Variants in GLIS3 observed in about 807,000 individuals in gnomAD.
GLIS3 encodes the protein zinc finger protein GLIS3.
GLIS3 carries 53 observed loss-of-function variants against 78.6 expected under a neutral mutation model. The observed-to-expected ratio is 0.67, with a 90% CI of 0.54 to 0.85. The LOEUF is 0.85. GLIS3 is among the 40% of genes least tolerant of loss of function. The pLI is 0.00. For missense variants in GLIS3, 1,703 were observed against 1,231.1 expected, an observed-to-expected ratio of 1.38 and a Z score of -5.74; for synonymous variants, 684 against 509.9, an observed-to-expected ratio of 1.34 and a Z score of -4.60.
chr9:4,242,106 G>C (rs931226317), intron 2 of GLIS3, among the ~76,000 whole-genome samples: 5 of 152,084 alleles, frequency 3.3e-5, no homozygotes, highest in Non-Finnish European at 7.4e-5. Flanking sequence ...GAGTGTGCAG[G>C]GGTGCCCCAG....
chr9:4,155,944 C>T (rs927321), intron 2 of GLIS3, among the ~76,000 whole-genome samples: 31,475 of 152,152 alleles, frequency 0.21, 3,916 homozygotes, highest in African/African-American at 0.34. Flanking sequence ...CATGCTACTG[C>T]TATTCATTTA....
At chr9:4,197,582 G>C (rs1040886857) in intron 2 of GLIS3, among the ~76,000 whole-genome samples, 1 of 152,188 alleles carries the variant, frequency 6.6e-6, no homozygotes, top group Non-Finnish European at 1.5e-5. Flanking sequence ...CTTGGTGCTG[G>C]TGCTCGTGCC....
chr9:4,457,848 C>CAA, the GLIS3 span, among the ~76,000 whole-genome samples: 729 of 123,260 alleles, frequency 5.9e-3, 4 homozygotes, highest in Middle Eastern at 0.024. Flanking sequence ...GACTCCATCT[C>CAA]AAAAAAAAAA....
chr9:4,477,385 T>C, the GLIS3 span, among the ~76,000 whole-genome samples: 1 of 23,124 alleles, frequency 4.3e-5, no homozygotes, highest in Non-Finnish European at 8.4e-5. Context: ...GGGTGGGAGG[T>C]GGGGAATAGG....
intron 4 of GLIS3, among the ~76,000 whole-genome samples, chr9:4,010,553 T>C (rs1481222840): frequency 1.3e-5 from 2 of 152,064 alleles, no homozygotes; most frequent in African/African-American, 4.8e-5. Flanking sequence ...AATTCCTCTC[T>C]GGTAATAGCA....
At chr9:4,338,757 G>A (rs1335062965) in intron 2 of GLIS3, among the ~76,000 whole-genome samples, 1 of 152,088 alleles carries the variant, frequency 6.6e-6, no homozygotes, top group African/African-American at 2.4e-5. Context: ...GAAAGTAGAG[G>A]AACCAAAAAT....
intron 4 of GLIS3, among the ~76,000 whole-genome samples, chr9:4,066,452 C>T (rs531854966): frequency 1.2e-4 from 18 of 152,246 alleles, no homozygotes; most frequent in Non-Finnish European, 2.1e-4. Flanking sequence ...AGTATAAAAG[C>T]AACTTACCAG....
chr9:4,394,556 G>A, the GLIS3 span, among the ~76,000 whole-genome samples: 1 of 152,080 alleles, frequency 6.6e-6, no homozygotes, highest in Non-Finnish European at 1.5e-5. Flanking sequence ...TGTTGAGTGG[G>A]TGGAAGGAAA....
intron 2 of GLIS3, among the ~76,000 whole-genome samples, chr9:4,179,730 T>G (rs1223987727): frequency 6.6e-6 from 1 of 151,990 alleles, no homozygotes; most frequent in Admixed American, 6.6e-5. Flanking sequence ...GCCAACGTGG[T>G]GAAACCCCGT....
chr9:3,890,488 A>T (rs1822357301), intron 7 of GLIS3, among the ~76,000 whole-genome samples: 1 of 152,148 alleles, frequency 6.6e-6, no homozygotes. Flanking sequence ...ATAATCCAAC[A>T]TTTTAAGCAA....
intron 2 of GLIS3, among the ~76,000 whole-genome samples, chr9:4,333,447 C>G (rs1587390980): frequency 6.6e-6 from 1 of 152,110 alleles, no homozygotes; most frequent in East Asian, 1.9e-4. Flanking sequence ...TGCTTAAGAA[C>G]AAGCAAATAA....
the GLIS3 span, among the ~76,000 whole-genome samples, chr9:4,446,827 G>T: frequency 5.3e-5 from 8 of 151,984 alleles, no homozygotes; most frequent in Admixed American, 1.3e-4. Flanking sequence ...TCTTTCTCAT[G>T]ATGTGAAAGT....
intron 2 of GLIS3, among the ~76,000 whole-genome samples, chr9:4,281,449 C>T (rs1231464887): frequency 6.6e-6 from 1 of 152,188 alleles, no homozygotes; most frequent in African/African-American, 2.4e-5. Flanking sequence ...ATGCCCCCTT[C>T]TCCCCAACTC....
intron 2 of GLIS3, among the ~76,000 whole-genome samples, chr9:4,265,171 C>CAAAA (rs748851157): frequency 3.6e-5 from 3 of 84,310 alleles, no homozygotes; most frequent in East Asian, 3.0e-4. Context: ...GACGCCGTCT[C>CAAAA]AAAAAAAAAA....
At chr9:4,186,698 G>C (rs993189822) in intron 2 of GLIS3, among the ~76,000 whole-genome samples, 2 of 151,768 alleles carry the variant, frequency 1.3e-5, no homozygotes, top group Admixed American at 6.6e-5. Context: ...ATTCTAACTG[G>C]TGTGAGATGG....
In GLIS3 at chr9:4,156,880, T is replaced by G. The variant is rs186660151; in HGVS notation, c.389-30939A>C. ...GCAGTGGTTCTCAAAGTGTGGTACC[T>G]GGACCAACAGCATCAGCATCATCCT... On this transcript the variant is annotated intron_variant, in intron 2 of 10. Transcript: ENST00000381971. Among the ~76,000 whole-genome samples the G allele has an allele frequency of 1.6e-3, 249 of 152,266 alleles. 1 individual carries two copies. The highest frequency in any genetic ancestry group is 5.8e-3 in the African/African-American group (242 of 41,554).
chr9:4,293,663 A>G (rs1036683626), intron 1 of GLIS3, among the ~76,000 whole-genome samples: 2 of 132,286 alleles, frequency 1.5e-5, no homozygotes, highest in Non-Finnish European at 3.2e-5. Flanking sequence ...TTTTCTGTGT[A>G]CAATATTCAG....
chr9:4,289,419 G>C (rs1435329199), intron 1 of GLIS3, among the ~76,000 whole-genome samples: 1 of 152,148 alleles, frequency 6.6e-6, no homozygotes, highest in African/African-American at 2.4e-5. Context: ...CGAGCTGATA[G>C]AAAAAGGCTT....
chr9:3,964,284 T>G (rs1041923042), intron 4 of GLIS3, among the ~76,000 whole-genome samples: 1 of 152,236 alleles, frequency 6.6e-6, no homozygotes, highest in Non-Finnish European at 1.5e-5. Context: ...AATTTTCGCC[T>G]GACAGCTAGT....
Sources: gnomAD v4.1 joint callset for allele counts (sites outside exome capture counted in the v4.1 genomes callset) on GRCh38, gnomAD v4.1.1 for gene constraint, MANE v1.5 for transcripts, NCBI Gene and HGNC (gene_info 2026-07-23, HGNC 2026-07-21) for gene names.